PIGN: variants seen among roughly 807,000 people sequenced by gnomAD.
PIGN encodes GPI ethanolamine phosphate transferase 1.
Under a neutral mutation model 125.4 loss-of-function variants are expected in PIGN, and 117 were observed. That is an observed-to-expected ratio of 0.93 (90% confidence interval 0.80 to 1.09). The LOEUF is 1.09. Ranked by LOEUF, PIGN falls within the 50% of genes least tolerant of loss-of-function variation. The pLI, the probability that PIGN is intolerant of heterozygous loss-of-function variation, is 0.00. For missense variants in PIGN, 1,075 were observed against 1,094.9 expected (o/e 0.98, Z 0.26); for synonymous variants, 392 against 377.8 (o/e 1.04, Z -0.44).
chr18:62,049,377 T>A (rs1173110726), intron 30 of PIGN, among the ~76,000 whole-genome samples: 15 of 149,764 alleles, frequency 1.0e-4, no homozygotes, highest in Non-Finnish European at 1.5e-5. Flanking sequence ...GTTTCCTGAC[T>A]TTTTAATGAT....
chr18:62,114,838 G>A (rs1004576498), intron 14 of PIGN, among the ~76,000 whole-genome samples, 199 bp from the exon 15 acceptor site: 2 of 152,126 alleles, frequency 1.3e-5, no homozygotes, highest in African/African-American at 4.8e-5. Context: ...TGGTTTTCTT[G>A]ACTCGAAGTT....
intron 1 of PIGN, among the ~76,000 whole-genome samples, chr18:62,176,568 G>A (rs530829022): frequency 1.1e-3 from 163 of 151,824 alleles, no homozygotes; most frequent in African/African-American, 3.7e-3. Context: ...CAGATGCACC[G>A]AGAAAGGCAA....
At chr18:62,047,077 G>C (rs1200309938) in intron 30 of PIGN, among the ~76,000 whole-genome samples, 1 of 152,226 alleles carries the variant, frequency 6.6e-6, no homozygotes, top group East Asian at 1.9e-4. Context: ...GACAGACAAG[G>C]AAAGGGGCAG....
intron 30 of PIGN, among the ~76,000 whole-genome samples, chr18:62,062,113 G>GCAT (rs545837326): frequency 6.6e-6 from 1 of 152,138 alleles, no homozygotes; most frequent in Non-Finnish European, 1.5e-5. Flanking sequence ...TCACATTGCA[G>GCAT]CATCAATCAG....
rs1178954499 is a variant in PIGN, at chr18:62,138,992, T to C, written c.1107A>G (p.Glu369=). 1 of 1,602,124 alleles carries C rather than the reference T, an allele frequency of 6.2e-7. No homozygotes were observed. Among genetic ancestry groups the C allele is most frequent in the Admixed American group, 1.7e-5 (1 of 59,534 alleles). The change falls in exon 13 of 31, where the codon GAA becomes GAG. Residue 369 remains glutamate (E), a synonymous_variant. Coordinates refer to ENST00000640252, the MANE Select transcript of PIGN (RefSeq NM_176787.5). ...SMFTNAVQIL[E]QFKVKMTQKK... ...TGAATTTTTTTTTTACCTTGAACTGTTCAAGAATCTGTACTGCATTTGTAA... is the reference window on the plus strand; with the variant it reads ...TGAATTTTTTTTTTACCTTGAACTGCTCAAGAATCTGTACTGCATTTGTAA...
intron 11 of PIGN, among the ~76,000 whole-genome samples, chr18:62,142,861 T>C (rs2147213297): frequency 6.6e-6 from 1 of 152,340 alleles, no homozygotes; most frequent in South Asian, 2.1e-4. Flanking sequence ...TATAATCTCA[T>C]CATTTTTTTC....
At chr18:62,026,353 T>A (rs1338645121) in intron 23 of PIGN, among the ~76,000 whole-genome samples, 1 of 152,146 alleles carries the variant, frequency 6.6e-6, no homozygotes, top group Non-Finnish European at 1.5e-5. Context: ...AGCAACCAAT[T>A]TGAACAAGAC....
intron 30 of PIGN, among the ~76,000 whole-genome samples, chr18:62,047,325 T>A (rs1244090406): frequency 6.6e-6 from 1 of 152,104 alleles, no homozygotes; most frequent in Non-Finnish European, 1.5e-5. Context: ...CTGGAGGATG[T>A]CAGTGGACAT....
Position 62,047,445 on chromosome 18 carries a change from C to G in PIGN, c.2673-1466G>C, listed in dbSNP as rs114452093. Among the ~76,000 whole-genome samples the G allele has an allele frequency of 9.6e-4, 147 of 152,336 alleles. 1 individual carries two copies. Among genetic ancestry groups the G allele is most frequent in the African/African-American group, 3.4e-3 (143 of 41,578 alleles). On this transcript the variant is annotated intron_variant, in intron 30 of 30. Transcript: ENST00000640252. ...TAGTGGAGAGCCAGGAATTCCACCTCCACTCAGAGGTAGAAAGGCCATTCC... is the reference window on the plus strand; with the variant it reads ...TAGTGGAGAGCCAGGAATTCCACCTGCACTCAGAGGTAGAAAGGCCATTCC...
chr18:62,125,673 T>C (rs1441559119), intron 14 of PIGN, among the ~76,000 whole-genome samples: 1 of 152,094 alleles, frequency 6.6e-6, no homozygotes, highest in Non-Finnish European at 1.5e-5. Flanking sequence ...AACATAATCA[T>C]ATAAAAATCT....
At chr18:62,170,625 A>T (rs2037316389) in intron 1 of PIGN, among the ~76,000 whole-genome samples, 1 of 152,238 alleles carries the variant, frequency 6.6e-6, no homozygotes, top group Admixed American at 6.5e-5. Context: ...AGGACAATTA[A>T]TAACCCTACA....
At chr18:62,144,955 G>A (rs1005672423) in intron 10 of PIGN, among the ~76,000 whole-genome samples, 8 of 142,642 alleles carry the variant, frequency 5.6e-5, no homozygotes, top group African/African-American at 2.0e-4. Flanking sequence ...CTACATTCCA[G>A]CCCATTCCAT....
At chr18:62,126,247 T>C (rs1376583233) in intron 14 of PIGN, among the ~76,000 whole-genome samples, 2 of 152,114 alleles carry the variant, frequency 1.3e-5, no homozygotes, top group African/African-American at 2.4e-5. Context: ...ATTTAAATAA[T>C]AATTATCATA....
At chr18:62,059,336 G>A (rs1453395679) in intron 30 of PIGN, among the ~76,000 whole-genome samples, 3 of 152,056 alleles carry the variant, frequency 2.0e-5, no homozygotes, top group African/African-American at 2.4e-5. Flanking sequence ...TGGTTCCAGG[G>A]GGGAAACCAG....
chr18:62,062,856 T>C (rs566395436), intron 30 of PIGN, among the ~76,000 whole-genome samples: 81 of 150,180 alleles, frequency 5.4e-4, no homozygotes, highest in African/African-American at 2.0e-3. Context: ...TGATGCTCAT[T>C]ATTTGTTTTA....
intron 30 of PIGN, among the ~76,000 whole-genome samples, chr18:62,071,351 C>A (rs2032833606): frequency 6.6e-6 from 1 of 152,114 alleles, no homozygotes; most frequent in Non-Finnish European, 1.5e-5. Flanking sequence ...CTTTAGTTCT[C>A]TCTAGACTTA....
At chr18:62,059,673 G>C (rs942153711) in intron 30 of PIGN, among the ~76,000 whole-genome samples, 3 of 152,188 alleles carry the variant, frequency 2.0e-5, no homozygotes, top group African/African-American at 7.2e-5. Flanking sequence ...TTGTGAACAG[G>C]TAGAGGGTAT....
At chr18:62,052,135 T>C (rs1337945567) in intron 30 of PIGN, 1 of 152,078 alleles carries the variant, frequency 6.6e-6, no homozygotes, top group East Asian at 1.9e-4. Flanking sequence ...TGTGGTCAAT[T>C]TTGGAATAGG....
chr18:62,063,133 A>T (rs1268857929), intron 30 of PIGN, among the ~76,000 whole-genome samples: 1 of 151,366 alleles, frequency 6.6e-6, no homozygotes, highest in Non-Finnish European at 1.5e-5. Context: ...ACAGGTAATA[A>T]ATGTAAAATA....
Sources: allele counts gnomAD v4.1 joint callset (sites outside exome capture counted in the v4.1 genomes callset), GRCh38; gene constraint gnomAD v4.1.1; transcripts MANE v1.5; gene names NCBI Gene and HGNC (gene_info 2026-07-23, HGNC 2026-07-21).